The following UBE3C variants were observed in gnomAD, a reference collection of about 807,000 sequenced individuals.
UBE3C encodes the protein ubiquitin protein ligase E3C.
Under a neutral mutation model 129.4 loss-of-function variants are expected in UBE3C, and 42 were observed. That is an observed-to-expected ratio of 0.32 (90% CI 0.25 to 0.42). The LOEUF is 0.42. UBE3C is among the 10% of genes least tolerant of loss of function. The pLI, the probability that UBE3C is intolerant of heterozygous loss-of-function variation, is 1.00. For synonymous variants in UBE3C, 510 were observed against 492.4 expected (o/e 1.04, Z -0.47); for missense variants, 1,049 against 1,319.1 (o/e 0.80, Z 3.17).
At chr7:157,166,931 TGGTGGTGGTG>T (rs1563036420) in intron 2 of UBE3C, among the ~76,000 whole-genome samples, 20 of 131,512 alleles carry the variant, frequency 1.5e-4, no homozygotes, top group African/African-American at 4.8e-4. Context: ...GTGGTGGTGG[TGGTGGTGGTG>T]GTTTTTGAGA....
intron 17 of UBE3C, among the ~76,000 whole-genome samples, chr7:157,228,308 A>C (rs570782325): frequency 2.0e-5 from 3 of 152,334 alleles, no homozygotes; most frequent in Admixed American, 2.0e-4. Context: ...CCCAGCCTGC[A>C]CTGCACTACC....
intron 22 of UBE3C, among the ~76,000 whole-genome samples, chr7:157,257,444 T>G (rs1449799364): frequency 6.6e-6 from 1 of 152,216 alleles, no homozygotes; most frequent in Non-Finnish European, 1.5e-5. Flanking sequence ...TTACCACTTC[T>G]GGAAATTAAT....
chr7:157,232,969 A>T (rs991066678), intron 18 of UBE3C, among the ~76,000 whole-genome samples: 3 of 152,174 alleles, frequency 2.0e-5, no homozygotes, highest in Non-Finnish European at 4.4e-5. Flanking sequence ...TCACTGTGTT[A>T]TGTGACCATC....
chr7:157,156,550 A>T (rs1297886169), intron 1 of UBE3C, among the ~76,000 whole-genome samples: 2 of 151,624 alleles, frequency 1.3e-5, no homozygotes, highest in African/African-American at 4.9e-5. Flanking sequence ...CAAGTGATCC[A>T]CTACCCTGGC....
chr7:157,232,884 G>A (rs1796058078), intron 18 of UBE3C, among the ~76,000 whole-genome samples: 1 of 152,120 alleles, frequency 6.6e-6, no homozygotes, highest in South Asian at 2.1e-4. Context: ...TTACATAACA[G>A]TTTTATTAAA....
At position 157,138,972 on chromosome 7, in the gene UBE3C, T is replaced by G. The variant is rs2116763018; in HGVS notation, c.-301T>G. 6.6e-6 allele frequency: 1 copy of G among 152,528 alleles called. No individual in the cohort carries two copies. The highest frequency in any genetic ancestry group is 1.5e-5 in the Non-Finnish European group (1 of 68,466). The allele number at this position is 152,528 out of a possible 1,614,324, so 9.4% of individuals were successfully genotyped here. ...CCATCTTCCCTCCCGAGGCGGCAGTTCCAGGTGCAAGCGCCGGGTTTGCTG... is the reference window on the plus strand; with the variant it reads ...CCATCTTCCCTCCCGAGGCGGCAGTGCCAGGTGCAAGCGCCGGGTTTGCTG... On this transcript the variant is annotated 5_prime_UTR_variant, in exon 1 of 23. Transcript: ENST00000348165.
chr7:157,206,456 G>A (rs1267056486), intron 11 of UBE3C, among the ~76,000 whole-genome samples: 1 of 151,928 alleles, frequency 6.6e-6, no homozygotes, highest in Non-Finnish European at 1.5e-5. Flanking sequence ...TAGAGATGGG[G>A]TTTCACCATG....
intron 1 of UBE3C, among the ~76,000 whole-genome samples, chr7:157,145,126 C>G (rs1807569345): frequency 6.6e-6 from 1 of 151,920 alleles, no homozygotes; most frequent in Non-Finnish European, 1.5e-5. Flanking sequence ...AAAAAATTAG[C>G]TGGGCGTGGG....
intron 13 of UBE3C, among the ~76,000 whole-genome samples, chr7:157,211,692 GCATACCAGATACTTCATGACTTT>G (rs1184957544): frequency 6.6e-6 from 1 of 152,022 alleles, no homozygotes; most frequent in Non-Finnish European, 1.5e-5. Flanking sequence ...CAGCAGCAGT[GCATACCAGATACTTCATGACTTT>G]CATAGGTTAG....
At chr7:157,178,621 A>G (rs1808586981) in intron 5 of UBE3C, 69 bp from the exon 6 acceptor site, 2 of 1,512,792 alleles carry the variant, frequency 1.3e-6, no homozygotes, top group African/African-American at 1.4e-5. Context: ...TGTCACTGAG[A>G]GTAACTTGGG....
intron 18 of UBE3C, among the ~76,000 whole-genome samples, chr7:157,238,313 C>T (rs890077900): frequency 1.8e-4 from 28 of 152,020 alleles, no homozygotes; most frequent in African/African-American, 6.3e-4. Flanking sequence ...CCTGTGTTGT[C>T]GTGGGCCTCC....
At chr7:157,142,930 G>A (rs972970893) in intron 1 of UBE3C, among the ~76,000 whole-genome samples, 4 of 151,322 alleles carry the variant, frequency 2.6e-5, no homozygotes, top group African/African-American at 9.7e-5. Context: ...GCAATGGTGC[G>A]ATCTCAGCTC....
intron 2 of UBE3C, among the ~76,000 whole-genome samples, chr7:157,168,365 T>C (rs1808275018): frequency 6.6e-6 from 1 of 150,386 alleles, no homozygotes; most frequent in Non-Finnish European, 1.5e-5. Context: ...CCTACTATGC[T>C]GGTGAGATTG....
At chr7:157,242,790 C>A (rs1796374082) in intron 18 of UBE3C, among the ~76,000 whole-genome samples, 1 of 152,086 alleles carries the variant, frequency 6.6e-6, no homozygotes, top group African/African-American at 2.4e-5. Flanking sequence ...GGTCTGGTGG[C>A]TCAAGCCTGT....
intron 10 of UBE3C, chr7:157,198,066 C>A: frequency 6.2e-7 from 1 of 1,611,450 alleles, no homozygotes; most frequent in Admixed American, 1.7e-5. Flanking sequence ...GATCTCTCCT[C>A]TTTTAACAAA....
intron 1 of UBE3C, among the ~76,000 whole-genome samples, chr7:157,161,242 A>T (rs1482838965): frequency 2.0e-5 from 3 of 152,182 alleles, no homozygotes; most frequent in African/African-American, 7.2e-5. Flanking sequence ...GACATATGGG[A>T]TAAGGGAAAT....
chr7:157,231,656 C>T lies in UBE3C; in HGVS notation c.2481+329C>T, dbSNP rs560911475. The stretch of plus-strand genomic sequence containing the variant: ...TGGGAAGGGCCCTGGTGACTTTTTA[C>T]AGGAGGGAGCCCCTAGCTTTGTGAT... On this transcript the variant is annotated intron_variant, in intron 18 of 22. Transcript: ENST00000348165. The T allele has an allele frequency of 3.7e-4, 111 of 303,128 alleles. 2 individuals carry two copies. The highest frequency in any genetic ancestry group is 3.6e-3 in the South Asian group (107 of 29,414). 18.8% of individuals were successfully genotyped at this position (303,128 alleles called of 1,614,324 possible).
chr7:157,178,671 AC>A lies in UBE3C; in HGVS notation c.459-18del, dbSNP rs1808587829. The A allele has an allele frequency of 6.2e-7, 1 of 1,609,370 alleles. No individual in the cohort carries two copies. The highest frequency in any genetic ancestry group is 1.7e-5 in the Admixed American group (1 of 59,870). ...TTTGCCATCCTGTAAGTGTGTGAAT[AC>A]TTTTTTCATTTTTACAGGTTGCTGC... is the stretch of plus-strand genomic sequence containing the variant. On this transcript the variant is annotated intron_variant, in intron 5 of 22. Coordinates refer to ENST00000348165, the MANE Select transcript of UBE3C (RefSeq NM_014671.3).
At position 157,208,055 on chromosome 7, in the gene UBE3C, C is replaced by CT. The variant is rs35366316; in HGVS notation, c.1809+157dup. ...TTCAGACATGTTTTAATTTGCAAGA[C>CT]TTTTTTTTTTTTTTTTTTTTTTTTT... On this transcript the variant is annotated intron_variant, in intron 13 of 22. Transcript: ENST00000348165. The CT allele has an allele frequency of 4.5e-3, 420 of 93,682 alleles. 164 individuals carry two copies. The highest frequency in any genetic ancestry group is 8.9e-3 in the Non-Finnish European group (348 of 39,128). 5.8% of individuals were successfully genotyped at this position (93,682 alleles called of 1,614,324 possible). A position where few individuals can be genotyped will look rare whatever the true frequency, so the allele number is the denominator to read the frequency against.
Sources: gnomAD v4.1 joint callset for allele counts (sites outside exome capture counted in the v4.1 genomes callset) on GRCh38, gnomAD v4.1.1 for gene constraint, MANE v1.5 for transcripts, NCBI Gene and HGNC (gene_info 2026-07-23, HGNC 2026-07-21) for gene names.